Variants in LRRC4C observed in about 807,000 individuals in gnomAD.
LRRC4C encodes the protein leucine-rich repeat-containing protein 4C.
Under a neutral mutation model 33.6 loss-of-function variants are expected in LRRC4C, and 5 were observed. The ratio of observed to expected loss-of-function variants is 0.15; its 90% CI spans 0.08 to 0.31. The LOEUF (loss-of-function observed/expected upper bound fraction) is 0.31. LRRC4C is among the 10% of genes least tolerant of loss of function. The probability of loss-of-function intolerance (pLI) is 1.00; values close to 1 mark genes in which losing one functional copy is unlikely to be tolerated. For synonymous variants in LRRC4C, 329 were observed against 302.0 expected (o/e 1.09, Z -0.93); for missense variants, 560 against 796.7 (o/e 0.70, Z 3.58).
chr11:41,312,404 GT>G (rs889203816), intron 1 of LRRC4C, among the ~76,000 whole-genome samples: 1 of 152,146 alleles, frequency 6.6e-6, no homozygotes, highest in African/African-American at 2.4e-5. Context: ...ACAGAGTAAT[GT>G]TTAGGAATTC....
chr11:41,084,132 G>C (rs992546584), intron 1 of LRRC4C, among the ~76,000 whole-genome samples: 1 of 152,194 alleles, frequency 6.6e-6, no homozygotes, highest in Admixed American at 6.5e-5. Flanking sequence ...CAGTGTATCT[G>C]CTCAAGAAAA....
chr11:40,915,045 A>T (rs2136305424), intron 2 of LRRC4C, among the ~76,000 whole-genome samples: 1 of 152,334 alleles, frequency 6.6e-6, no homozygotes, highest in Non-Finnish European at 1.5e-5. Context: ...GAAATAAAAG[A>T]GGATATAAAC....
intron 3 of LRRC4C, among the ~76,000 whole-genome samples, chr11:40,579,004 C>T (rs1958342198): frequency 6.6e-5 from 10 of 152,136 alleles, no homozygotes; most frequent in Admixed American, 6.5e-4. Flanking sequence ...GTTTGGGATT[C>T]ACTGACTTTG....
At chr11:40,518,693 G>A (rs1362316843) in intron 3 of LRRC4C, among the ~76,000 whole-genome samples, 9 of 152,178 alleles carry the variant, frequency 5.9e-5, no homozygotes, top group Middle Eastern at 3.2e-3. Context: ...ACAGTGTGGC[G>A]ATTCCTCAAG....
rs531403178 is a variant in LRRC4C at position 40,534,691 on chromosome 11, G to A, written c.-270+113451C>T. On this transcript the variant is annotated intron_variant, in intron 3 of 6. Coordinates refer to ENST00000528697, the MANE Select transcript of LRRC4C (RefSeq NM_001258419.2). The stretch of plus-strand genomic sequence containing the variant: ...TGTGAAATTCAGTTTTTCACTATAG[G>A]CCTCAATGGGCTCAGAAATGTCCCT... Among the ~76,000 whole-genome samples the A allele has an allele frequency of 3.9e-5, 6 of 152,188 alleles. No homozygotes were observed. In the South Asian group the frequency reaches 1.2e-3, roughly 32 times the overall value.
At chr11:40,627,335 G>T (rs1963051031) in intron 3 of LRRC4C, among the ~76,000 whole-genome samples, 1 of 151,938 alleles carries the variant, frequency 6.6e-6, no homozygotes, top group African/African-American at 2.4e-5. Flanking sequence ...AGAGGAAATA[G>T]CGAATGTTGA....
chr11:40,738,489 T>C (rs1217412639), intron 2 of LRRC4C, among the ~76,000 whole-genome samples: 2 of 152,108 alleles, frequency 1.3e-5, no homozygotes, highest in African/African-American at 4.8e-5. Flanking sequence ...TCATTCACTT[T>C]ATAGCCAAAG....
intron 1 of LRRC4C, among the ~76,000 whole-genome samples, chr11:40,996,573 T>A (rs924286630): frequency 6.6e-6 from 1 of 152,116 alleles, no homozygotes; most frequent in Non-Finnish European, 1.5e-5. Flanking sequence ...GTTGGCCACA[T>A]GTGTCAGTCA....
intron 1 of LRRC4C, among the ~76,000 whole-genome samples, chr11:41,315,787 TATAG>T (rs1411493671): frequency 1.3e-5 from 2 of 152,212 alleles, no homozygotes; most frequent in Admixed American, 6.5e-5. Context: ...AACAAACCTA[TATAG>T]ATAGTCATTG....
At chr11:40,484,548 C>G (rs1306609066) in intron 3 of LRRC4C, among the ~76,000 whole-genome samples, 1 of 151,808 alleles carries the variant, frequency 6.6e-6, no homozygotes, top group Non-Finnish European at 1.5e-5. Flanking sequence ...AAACAAGAAA[C>G]TAACAATTAT....
intron 3 of LRRC4C, among the ~76,000 whole-genome samples, chr11:40,385,952 A>G (rs1034977115): frequency 2.0e-5 from 3 of 151,090 alleles, no homozygotes; most frequent in Non-Finnish European, 4.4e-5. Flanking sequence ...TATGTTCACT[A>G]CTTGGGTGAT....
At chr11:41,158,094 C>T (rs557179436) in intron 1 of LRRC4C, among the ~76,000 whole-genome samples, 86 of 152,144 alleles carry the variant, frequency 5.7e-4, no homozygotes, top group African/African-American at 2.0e-3. Context: ...GTGCTGTTCT[C>T]ACGAGTTAAC....
At chr11:41,076,976 C>G (rs969446056) in intron 1 of LRRC4C, among the ~76,000 whole-genome samples, 1 of 152,128 alleles carries the variant, frequency 6.6e-6, no homozygotes, top group Non-Finnish European at 1.5e-5. Context: ...AATGCAAGTC[C>G]AAAACCAGGC....
chr11:40,494,807 T>C (rs1954345096), intron 3 of LRRC4C, among the ~76,000 whole-genome samples: 1 of 152,238 alleles, frequency 6.6e-6, no homozygotes, highest in Admixed American at 6.5e-5. Context: ...GATACCACAC[T>C]GTCCAGCAAA....
At chr11:40,400,063 C>G (rs567912775) in intron 3 of LRRC4C, among the ~76,000 whole-genome samples, 2 of 152,198 alleles carry the variant, frequency 1.3e-5, no homozygotes, top group Admixed American at 1.3e-4. Flanking sequence ...AGATGCATGT[C>G]TCCATCTTCA....
At chr11:41,330,756 C>T (rs143425513) in intron 1 of LRRC4C, among the ~76,000 whole-genome samples, 20 of 151,672 alleles carry the variant, frequency 1.3e-4, no homozygotes, top group East Asian at 3.9e-4. Context: ...TATATGCATA[C>T]GTTTTATAAG....
chr11:41,457,183 C>A (rs139775810), intron 1 of LRRC4C, among the ~76,000 whole-genome samples: 18 of 151,994 alleles, frequency 1.2e-4, no homozygotes, highest in African/African-American at 4.4e-4. Context: ...TCTAAATATA[C>A]CAGTATTTGG....
intron 2 of LRRC4C, among the ~76,000 whole-genome samples, chr11:40,871,593 A>G (rs1954650059): frequency 6.6e-6 from 1 of 152,080 alleles, no homozygotes; most frequent in African/African-American, 2.4e-5. Flanking sequence ...GTCATTTTGT[A>G]TCCGTTTATG....
intron 1 of LRRC4C, among the ~76,000 whole-genome samples, chr11:41,364,381 C>T (rs570444157): frequency 2.6e-5 from 4 of 152,198 alleles, no homozygotes; most frequent in South Asian, 2.1e-4. Context: ...CAGGTTCAAG[C>T]GATTCTCCTG....
Sources: allele counts gnomAD v4.1 joint callset (sites outside exome capture counted in the v4.1 genomes callset), GRCh38; gene constraint gnomAD v4.1.1; transcripts MANE v1.5; gene names NCBI Gene and HGNC (gene_info 2026-07-23, HGNC 2026-07-21).